Variants in DHCR24 observed in about 807,000 individuals in gnomAD.
The protein encoded by DHCR24 is delta(24)-sterol reductase.
In DHCR24, 28 loss-of-function variants were observed where a neutral mutation model predicts 61.2. That is an observed-to-expected ratio of 0.46 (90% CI 0.34 to 0.63). DHCR24 has a LOEUF of 0.63. Among genes scored for constraint, DHCR24 ranks in the 20% least tolerant of loss-of-function variants. DHCR24 has a pLI of 0.01. For synonymous variants in DHCR24, 261 were observed against 275.9 expected (o/e 0.95, Z 0.54); for missense variants, 538 against 679.1 (o/e 0.79, Z 2.31).
chr1:54,861,867 A>G lies in DHCR24; in HGVS notation c.1020+3436T>C, dbSNP rs367658657. ...CAGCTTCACATCTCTTCTCTCCTCA[A>G]ACCATCAAAATCCTCTCCCCTTTCA... On this transcript the variant is annotated intron_variant, in intron 6 of 8. Transcript: ENST00000371269. Among the ~76,000 whole-genome samples, 319 of 152,190 alleles carry G rather than the reference A, an allele frequency of 2.1e-3. 2 individuals are homozygous for G. The highest frequency in any genetic ancestry group is 7.3e-3 in the African/African-American group (304 of 41,534).
chr1:54,855,554 A>G (rs901179093), intron 6 of DHCR24, among the ~76,000 whole-genome samples: 3 of 152,130 alleles, frequency 2.0e-5, no homozygotes, highest in African/African-American at 7.2e-5. Context: ...GTGTGGGAAG[A>G]GTGGGGACAA....
chr1:54,851,811 T>TCAGG lies in DHCR24; in HGVS notation c.*418_*421dup. The TCAGG allele has an allele frequency of 4.6e-6, 1 of 216,496 alleles. No individual in the cohort carries two copies. The highest frequency in any genetic ancestry group is 9.3e-6 in the Non-Finnish European group (1 of 107,042). 13.4% of individuals were successfully genotyped at this position (216,496 alleles called of 1,614,324 possible). On this transcript the variant is annotated 3_prime_UTR_variant, in exon 9 of 9. Transcript: ENST00000371269. ...ACAGGTGACCTAATGTGGAGCCTTT[T>TCAGG]CAGGCTCCACTGCAGATGTGACGCT...
At chr1:54,853,707 G>T in intron 7 of DHCR24, 95 bp from the exon 8 acceptor site, 1 of 1,409,906 alleles carries the variant, frequency 7.1e-7, no homozygotes, top group Non-Finnish European at 9.7e-7. Flanking sequence ...TGAAGGCTTT[G>T]CAGCATTCTC....
Position 54,880,571 on chromosome 1 carries a change from C to A in DHCR24, c.387+3047G>T, listed in dbSNP as rs575796438. Among the ~76,000 whole-genome samples, 48 of 152,026 alleles carry A rather than the reference C, an allele frequency of 3.2e-4. 1 individual carries two copies. The South Asian group carries it at 9.6e-3, about 30-fold the overall frequency. On this transcript the variant is annotated intron_variant, in intron 2 of 8. Coordinates refer to ENST00000371269, the MANE Select transcript of DHCR24 (RefSeq NM_014762.4). ...TTTGAGGCCAGGAGTTCGAAACCAG[C>A]CTGACCAATGTGGTGAAACCCCCTC...
chr1:54,871,272 G>A, intron 5 of DHCR24, 78 bp downstream of exon 5: 1 of 1,583,394 alleles, frequency 6.3e-7, no homozygotes, highest in Non-Finnish European at 8.6e-7. Flanking sequence ...GCCAGGGTCA[G>A]GATACGGGAA....
chr1:54,881,688 T>C (rs1007069411), intron 2 of DHCR24, among the ~76,000 whole-genome samples: 3 of 152,176 alleles, frequency 2.0e-5, no homozygotes, highest in African/African-American at 7.2e-5. Context: ...GACACATGCA[T>C]GTGTATGTTT....
rs1175475634 is a variant in DHCR24, at chr1:54,850,966, C to T, written c.*1267G>A. On this transcript the variant is annotated 3_prime_UTR_variant, in exon 9 of 9. Transcript: ENST00000371269. ...CTTAATTCCAGCTTCCCTTACATGA[C>T]GCAATTCCTTCTCAGATTCGGGTTT... 4 of 152,414 alleles carry T rather than the reference C, an allele frequency of 2.6e-5. No homozygotes were observed. Among genetic ancestry groups the T allele is most frequent in the Non-Finnish European group, 4.4e-5 (3 of 68,040 alleles). The allele number at this position is 152,414 out of a possible 1,614,324, so 9.4% of individuals were successfully genotyped here.
intron 5 of DHCR24, among the ~76,000 whole-genome samples, chr1:54,867,741 TTGCTAGGTGACTTGG>T (rs1646974921): frequency 6.6e-6 from 1 of 152,124 alleles, no homozygotes; most frequent in South Asian, 2.1e-4. Context: ...CTAGATGTCC[TTGCTAGGTGACTTGG>T]TGCTAGGTGA....
At position 54,875,001 on chromosome 1, in the gene DHCR24, A is replaced by G; in HGVS notation, c.612+92T>C. 5.5e-6 allele frequency: 6 copies of G among 1,097,746 alleles called. No individual in the cohort carries two copies. In the East Asian group the frequency reaches 1.4e-4, roughly 26 times the overall value. The allele number at this position is 1,097,746 out of a possible 1,614,324, so 68.0% of individuals were successfully genotyped here. On this transcript the variant is annotated intron_variant, in intron 4 of 8. Transcript: ENST00000371269. ...GACCCAGACTGAACAGGTACTGGGA[A>G]TGAAGCACACCTAGAGGAGCCACCT...
chr1:54,875,610 G>C (rs889599540), intron 3 of DHCR24, among the ~76,000 whole-genome samples: 1 of 152,062 alleles, frequency 6.6e-6, no homozygotes, highest in African/African-American at 2.4e-5. Flanking sequence ...AAGAAGAAGA[G>C]GCTTTGGGGG....
At chr1:54,858,467 G>C (rs1215036636) in intron 6 of DHCR24, among the ~76,000 whole-genome samples, 1 of 152,198 alleles carries the variant, frequency 6.6e-6, no homozygotes, top group Non-Finnish European at 1.5e-5. Flanking sequence ...CAGATCCCTA[G>C]AGGTCTGAAC....
At chr1:54,867,982 C>T (rs1251014991) in intron 5 of DHCR24, among the ~76,000 whole-genome samples, 2 of 152,210 alleles carry the variant, frequency 1.3e-5, no homozygotes, top group African/African-American at 4.8e-5. Flanking sequence ...GAATTTAAAT[C>T]TGTTCTGTGC....
At chr1:54,860,761 G>A (rs545195508) in intron 6 of DHCR24, among the ~76,000 whole-genome samples, 29 of 152,186 alleles carry the variant, frequency 1.9e-4, no homozygotes, top group African/African-American at 6.3e-4. Flanking sequence ...CGGGGCGGGC[G>A]GATCACGAGG....
intron 6 of DHCR24, among the ~76,000 whole-genome samples, chr1:54,856,138 G>A (rs1646906401): frequency 6.6e-6 from 1 of 152,242 alleles, no homozygotes; most frequent in South Asian, 2.1e-4. Context: ...GGTTGTGGGT[G>A]TCTAATGTGT....
chr1:54,853,325 G>A, intron 8 of DHCR24, 109 bp downstream of exon 8: 1 of 1,432,470 alleles, frequency 7.0e-7, no homozygotes, highest in South Asian at 1.2e-5. Flanking sequence ...TAAGGAACCA[G>A]TTGATAGGCT....
At chr1:54,852,726 A>G (rs980467975) in intron 8 of DHCR24, among the ~76,000 whole-genome samples, 14 of 152,140 alleles carry the variant, frequency 9.2e-5, no homozygotes, top group Non-Finnish European at 1.3e-4. Context: ...GACTTTCAAT[A>G]AACTAGACAT....
rs1647052099 is a variant in DHCR24 at position 54,879,322 on chromosome 1, G to GGGAAAAAAAAAA, written c.388-3276_388-3275insTTTTTTTTTTCC. 1.8e-5 allele frequency among the ~76,000 whole-genome samples: 2 copies of GGGAAAAAAAAAA among 108,536 alleles called. 1 individual carries two copies. Among genetic ancestry groups the GGGAAAAAAAAAA allele is most frequent in the Non-Finnish European group, 3.5e-5 (2 of 56,340 alleles). The allele number at this position is 108,536 out of a possible 152,430, so 71.2% of individuals were successfully genotyped here. A position where few individuals can be genotyped will look rare whatever the true frequency, so the allele number is the denominator to read the frequency against. On this transcript the variant is annotated intron_variant, in intron 2 of 8. Coordinates refer to ENST00000371269, the MANE Select transcript of DHCR24 (RefSeq NM_014762.4). ...TGGAGGACAGAGCAAGACTCCATCT[G>GGGAAAAAAAAAA]AAAAAAAAAAAAAAAAAAAAAAAAA...
chr1:54,871,652 G>A, intron 4 of DHCR24, 39 bp from the exon 5 acceptor site: 1 of 1,613,944 alleles, frequency 6.2e-7, no homozygotes, highest in Non-Finnish European at 8.5e-7. Context: ...CTGAAACCTT[G>A]GGCCCCACAT....
chr1:54,874,944 A>C lies in DHCR24; in HGVS notation c.612+149T>G, dbSNP rs891608437. ...TTACAACATTGCCTAAGCTCATATA[A>C]GGGGCTACACAAATTTTTGTTTACA... On this transcript the variant is annotated intron_variant, in intron 4 of 8. Coordinates refer to ENST00000371269, the MANE Select transcript of DHCR24 (RefSeq NM_014762.4). 3 of 745,044 alleles carry C rather than the reference A, an allele frequency of 4.0e-6. No individual in the cohort carries two copies. The African/African-American group carries it at 5.1e-5, about 13-fold the overall frequency. 46.2% of individuals were successfully genotyped at this position (745,044 alleles called of 1,614,324 possible).
Sources: gnomAD v4.1 joint callset for allele counts (sites outside exome capture counted in the v4.1 genomes callset) on GRCh38, gnomAD v4.1.1 for gene constraint, MANE v1.5 for transcripts, NCBI Gene and HGNC (gene_info 2026-07-23, HGNC 2026-07-21) for gene names.